TAFA2: variants seen among roughly 807,000 people sequenced by gnomAD.
The protein encoded by TAFA2 is chemokine-like protein TAFA-2.
TAFA2 carries 7 observed loss-of-function variants against 18.8 expected under a neutral mutation model. The observed-to-expected ratio is 0.37, with a 90% CI of 0.21 to 0.70. The LOEUF (loss-of-function observed/expected upper bound fraction) is 0.70. TAFA2 is among the 30% of genes least tolerant of loss of function. The pLI is 0.53. For synonymous variants in TAFA2, 60 were observed against 54.2 expected (o/e 1.11, Z -0.47); for missense variants, 122 against 158.1 (o/e 0.77, Z 1.23).
chr12:61,919,985 C>T (rs1438474358), intron 1 of TAFA2, among the ~76,000 whole-genome samples: 2 of 152,082 alleles, frequency 1.3e-5, no homozygotes, highest in African/African-American at 2.4e-5. Context: ...TTCTCAGTCT[C>T]ATTACCAATA....
chr12:62,219,530 T>C (rs1309797094), intron 1 of TAFA2, among the ~76,000 whole-genome samples: 5 of 152,322 alleles, frequency 3.3e-5, no homozygotes, highest in Non-Finnish European at 7.4e-5. Context: ...TTAATTTTAA[T>C]AGAAAATTCC....
At chr12:62,178,317 G>A (rs1158107386) in intron 1 of TAFA2, among the ~76,000 whole-genome samples, 4 of 152,194 alleles carry the variant, frequency 2.6e-5, no homozygotes, top group South Asian at 2.1e-4. Flanking sequence ...TATGAAAAAA[G>A]AAAGAGACCT....
intron 4 of TAFA2, among the ~76,000 whole-genome samples, chr12:61,712,577 A>G (rs1289439488): frequency 6.6e-6 from 1 of 152,170 alleles, no homozygotes; most frequent in African/African-American, 2.4e-5. Context: ...TCATGATGAT[A>G]TCTTTCTATC....
chr12:62,067,033 G>T (rs1032710029), intron 1 of TAFA2, among the ~76,000 whole-genome samples: 3 of 152,012 alleles, frequency 2.0e-5, no homozygotes, highest in Admixed American at 6.6e-5. Context: ...ATATTTCATT[G>T]TAGTTTTGAT....
At chr12:61,929,382 CA>C (rs929952389) in intron 1 of TAFA2, among the ~76,000 whole-genome samples, 15 of 152,104 alleles carry the variant, frequency 9.9e-5, no homozygotes, top group African/African-American at 3.6e-4. Context: ...GACATTTATG[CA>C]GCCAAAAGAC....
chr12:61,979,596 G>T (rs988184044), intron 1 of TAFA2, among the ~76,000 whole-genome samples: 4 of 151,898 alleles, frequency 2.6e-5, no homozygotes, highest in African/African-American at 9.7e-5. Flanking sequence ...GTACTGCCCA[G>T]AAAATGTCCT....
chr12:61,996,483 G>A (rs1009635890), intron 1 of TAFA2, among the ~76,000 whole-genome samples: 10 of 152,192 alleles, frequency 6.6e-5, no homozygotes, highest in African/African-American at 2.4e-4. Context: ...CAAAGTTGGA[G>A]GAGGTGGGAG....
At chr12:62,121,117 G>A (rs1440451023) in intron 1 of TAFA2, among the ~76,000 whole-genome samples, 1 of 152,002 alleles carries the variant, frequency 6.6e-6, no homozygotes, top group Non-Finnish European at 1.5e-5. Context: ...TGATTTCTAT[G>A]AACTACCCTA....
intron 1 of TAFA2, among the ~76,000 whole-genome samples, chr12:62,045,405 G>A (rs982258584): frequency 6.6e-6 from 1 of 151,960 alleles, no homozygotes; most frequent in Non-Finnish European, 1.5e-5. Flanking sequence ...TGCTCTCCTG[G>A]GAATAACTTA....
At chr12:61,851,288 C>G (rs1205249485) in intron 2 of TAFA2, among the ~76,000 whole-genome samples, 3 of 151,990 alleles carry the variant, frequency 2.0e-5, no homozygotes, top group Non-Finnish European at 4.4e-5. Flanking sequence ...GAATAATGGC[C>G]TGAAGTTAGA....
At chr12:62,259,545 A>G (rs2062973343), upstream of TAFA2, 1 of 152,232 alleles carries the variant, frequency 6.6e-6, no homozygotes, top group African/African-American at 2.4e-5. Flanking sequence ...TTTGTAACAT[A>G]ATCGTTGACT....
At position 61,767,484 on chromosome 12, in the gene TAFA2, T is replaced by G. The variant is rs535038606; in HGVS notation, c.107-12460A>C. On this transcript the variant is annotated intron_variant, in intron 2 of 4. Coordinates refer to ENST00000416284, the MANE Select transcript of TAFA2 (RefSeq NM_178539.5). ...CCATACCCTTCTGTATGCTAAGAGG[T>G]TTTTTTTTCACATATGTGGTATGCT... 8.0e-4 allele frequency among the ~76,000 whole-genome samples: 116 copies of G among 145,436 alleles called. 2 individuals carry two copies. The highest frequency in any genetic ancestry group is 2.8e-3 in the African/African-American group (113 of 40,912).
intron 1 of TAFA2, among the ~76,000 whole-genome samples, chr12:62,058,177 T>A (rs1409830987): frequency 1.3e-5 from 2 of 152,206 alleles, no homozygotes; most frequent in Non-Finnish European, 2.9e-5. Flanking sequence ...CATTCCTTTG[T>A]AAGGAATCTG....
intron 2 of TAFA2, among the ~76,000 whole-genome samples, chr12:61,802,738 A>G (rs1337172277): frequency 6.6e-6 from 1 of 151,994 alleles, no homozygotes; most frequent in East Asian, 1.9e-4. Flanking sequence ...AGAAGAGAGG[A>G]TTTTGAATGT....
chr12:61,831,682 C>A (rs7963145), intron 2 of TAFA2, among the ~76,000 whole-genome samples: 1 of 151,734 alleles, frequency 6.6e-6, no homozygotes, highest in Non-Finnish European at 1.5e-5. Flanking sequence ...AACTCTTTAG[C>A]TTGTTTTAAT....
intron 1 of TAFA2, among the ~76,000 whole-genome samples, chr12:62,040,169 CCAAA>C (rs1222333498): frequency 6.6e-6 from 1 of 152,182 alleles, no homozygotes; most frequent in Middle Eastern, 3.4e-3. Context: ...CAGTCTGACT[CCAAA>C]CACCATGTTC....
At chr12:62,073,573 A>G (rs973807360) in intron 1 of TAFA2, among the ~76,000 whole-genome samples, 24 of 151,982 alleles carry the variant, frequency 1.6e-4, no homozygotes, top group African/African-American at 5.8e-4. Flanking sequence ...TTATCTATAT[A>G]TTATAGATAA....
chr12:61,856,025 A>G (rs1873868895), intron 2 of TAFA2, among the ~76,000 whole-genome samples: 1 of 152,116 alleles, frequency 6.6e-6, no homozygotes, highest in South Asian at 2.1e-4. Flanking sequence ...GTCTATCTAG[A>G]TATCTATCTA....
At chr12:62,027,501 T>C (rs1466606023) in intron 1 of TAFA2, among the ~76,000 whole-genome samples, 1 of 152,194 alleles carries the variant, frequency 6.6e-6, no homozygotes, top group Non-Finnish European at 1.5e-5. Context: ...TTTTGTGTGC[T>C]AATGTTGTGA....
Sources: gnomAD v4.1 joint callset for allele counts (sites outside exome capture counted in the v4.1 genomes callset) on GRCh38, gnomAD v4.1.1 for gene constraint, MANE v1.5 for transcripts, NCBI Gene and HGNC (gene_info 2026-07-23, HGNC 2026-07-21) for gene names.